Variants in KLHL13 observed in about 807,000 individuals in gnomAD.
KLHL13 encodes kelch like family member 13, also known as kelch-like protein 13.
A neutral mutation model predicts 37.1 loss-of-function variants in KLHL13; 10 were observed. That is an observed-to-expected ratio of 0.27 (90% CI 0.17 to 0.46). The LOEUF (loss-of-function observed/expected upper bound fraction) is 0.46, where lower values mean the gene tolerates loss of function less well. Among genes scored for constraint, KLHL13 ranks in the 20% least tolerant of loss-of-function variants. KLHL13 has a pLI of 1.00. For missense variants in KLHL13, 360 were observed against 509.3 expected (o/e 0.71, Z 2.82); for synonymous variants, 163 against 181.2 (o/e 0.90, Z 0.81).
At chrX:117,939,167 A>G (rs1416400754) in intron 2 of KLHL13, among the ~76,000 whole-genome samples, 2 of 109,479 alleles carry the variant, frequency 1.8e-5, no homozygotes, top group Non-Finnish European at 3.8e-5. Flanking sequence ...TTCACCTCCC[A>G]CTTATGAGTG....
chrX:117,962,041 A>AAATAATAATACTAATAATAATAATAAT (rs2053306833), intron 1 of KLHL13, among the ~76,000 whole-genome samples: 1 of 102,318 alleles, frequency 9.8e-6, no homozygotes, highest in African/African-American at 3.8e-5. Flanking sequence ...TCATCTCTAC[A>AAATAATAATACTAATAATAATAATAAT]AATAATAATA....
intron 1 of KLHL13, among the ~76,000 whole-genome samples, chrX:118,102,244 C>T (rs2055297908): frequency 8.9e-6 from 1 of 112,070 alleles, no homozygotes; most frequent in Admixed American, 9.5e-5. Context: ...TAAAGGTTTA[C>T]ATTAGGGACA....
chrX:118,016,061 C>A (rs757331051), intron 1 of KLHL13, among the ~76,000 whole-genome samples: 44 of 111,873 alleles, frequency 3.9e-4, no homozygotes, highest in Non-Finnish European at 8.3e-4. Context: ...TGGCTGATCA[C>A]CTTGTTAAAT....
At chrX:118,093,416 A>T (rs1028450747) in intron 1 of KLHL13, among the ~76,000 whole-genome samples, 2 of 112,006 alleles carry the variant, frequency 1.8e-5, no homozygotes, top group Non-Finnish European at 3.8e-5. Flanking sequence ...AATAAAATGA[A>T]GTAACACAAG....
intron 1 of KLHL13, among the ~76,000 whole-genome samples, chrX:117,991,269 G>T (rs1233592218): frequency 9.1e-6 from 1 of 110,391 alleles, no homozygotes; most frequent in Non-Finnish European, 1.9e-5. Flanking sequence ...GCTTCTAGGA[G>T]CATATTAATC....
chrX:118,060,152 G>A (rs2054725921), intron 1 of KLHL13, among the ~76,000 whole-genome samples: 1 of 111,807 alleles, frequency 8.9e-6, no homozygotes. Context: ...AAGGCACTAT[G>A]CAATACAGAG....
At position 118,076,540 on chromosome X, in the gene KLHL13, T is replaced by A. The variant is rs938107627; in HGVS notation, c.-56+39968A>T. ...AGAAGGACTGGGAAGAAGAGACTTG[T>A]GGAGCATCTTGTAGAGAAAAAAAGG... On this transcript the variant is annotated intron_variant, in intron 1 of 6. Coordinates refer to the KLHL13 transcript ENST00000371882. Among the ~76,000 whole-genome samples the A allele has an allele frequency of 2.7e-5, 3 of 111,585 alleles. No homozygotes were observed. The Admixed American group carries it at 2.9e-4, about 11-fold the overall frequency.
intron 1 of KLHL13, among the ~76,000 whole-genome samples, chrX:118,071,412 G>A (rs1165158746): frequency 3.6e-5 from 4 of 111,449 alleles, no homozygotes; most frequent in African/African-American, 6.5e-5. Context: ...ATCCTCTCCA[G>A]CATCTGTTGT....
intron 1 of KLHL13, among the ~76,000 whole-genome samples, chrX:118,052,401 T>C (rs765910258): frequency 9.6e-6 from 1 of 103,772 alleles, no homozygotes; most frequent in African/African-American, 3.6e-5. Context: ...CAGGCGCCTA[T>C]AGTCCCAGCT....
chrX:117,913,532 A>AT (rs1306266265), intron 4 of KLHL13, among the ~76,000 whole-genome samples: 1 of 112,579 alleles, frequency 8.9e-6, no homozygotes, highest in Non-Finnish European at 1.9e-5. Flanking sequence ...GTTAATCCAA[A>AT]TAACTACATT....
intron 1 of KLHL13, chrX:117,983,540 C>T (rs2053689357): frequency 1.1e-5 from 13 of 1,142,271 alleles, no homozygotes; most frequent in African/African-American, 1.8e-5. Flanking sequence ...CAATTGCCTC[C>T]GTCTCCTGAA....
At chrX:117,969,028 C>T (rs1393708859) in intron 1 of KLHL13, among the ~76,000 whole-genome samples, 1 of 111,318 alleles carries the variant, frequency 9.0e-6, no homozygotes, top group African/African-American at 3.3e-5. Context: ...ATCAAAAAAT[C>T]ATAAATAGGA....
At chrX:118,112,361 G>C (rs928157513) in intron 1 of KLHL13, among the ~76,000 whole-genome samples, 2 of 111,649 alleles carry the variant, frequency 1.8e-5, no homozygotes, top group Non-Finnish European at 3.8e-5. Context: ...GTGGGGAGAT[G>C]GCCAGGCATC....
chrX:118,085,992 C>T (rs1413529678), intron 1 of KLHL13, among the ~76,000 whole-genome samples: 1 of 110,426 alleles, frequency 9.1e-6, no homozygotes, highest in African/African-American at 3.3e-5. Context: ...GGCTGGAGTA[C>T]AATGGCACAA....
At chrX:118,043,497 T>G (rs1163683218) in intron 1 of KLHL13, among the ~76,000 whole-genome samples, 1 of 111,281 alleles carries the variant, frequency 9.0e-6, no homozygotes, top group African/African-American at 3.3e-5. Context: ...CACAAAATAT[T>G]AGCAAACTGA....
chrX:118,081,278 T>C (rs1467255385), intron 1 of KLHL13, among the ~76,000 whole-genome samples: 1 of 111,609 alleles, frequency 9.0e-6, no homozygotes, highest in East Asian at 2.8e-4. Context: ...AATAAATTAT[T>C]TTTCTATCAA....
intron 1 of KLHL13, among the ~76,000 whole-genome samples, chrX:118,037,755 AAAAAG>A (rs1299393642): frequency 1.8e-5 from 2 of 112,013 alleles, no homozygotes; most frequent in Non-Finnish European, 3.8e-5. Context: ...AGTAATTAAA[AAAAAG>A]AAAAGAAAAT....
chrX:117,916,093 G>A (rs1334917827), intron 4 of KLHL13, among the ~76,000 whole-genome samples: 1 of 111,147 alleles, frequency 9.0e-6, no homozygotes, highest in African/African-American at 3.3e-5. Context: ...GGGAGGCGGA[G>A]GTTGCGATGA....
intron 2 of KLHL13, among the ~76,000 whole-genome samples, chrX:117,931,648 TG>T (rs1381832756): frequency 1.8e-5 from 2 of 112,478 alleles, no homozygotes; most frequent in African/African-American, 6.5e-5. Flanking sequence ...TTATAGTTAA[TG>T]AACACAATAT....
Sources: gnomAD v4.1 joint callset for allele counts (sites outside exome capture counted in the v4.1 genomes callset) on GRCh38, gnomAD v4.1.1 for gene constraint, MANE v1.5 for transcripts, NCBI Gene and HGNC (gene_info 2026-07-23, HGNC 2026-07-21) for gene names.